PTPRD: variants seen among roughly 807,000 people sequenced by gnomAD.
The protein encoded by PTPRD is protein tyrosine phosphatase receptor type D.
A neutral mutation model predicts 214.5 loss-of-function variants in PTPRD; 34 were observed. The observed-to-expected ratio is 0.16, with a 90% CI of 0.12 to 0.21. The LOEUF is 0.21. PTPRD is among the 10% of genes least tolerant of loss of function. PTPRD has a pLI of 1.00. For synonymous variants in PTPRD, 1,128 were observed against 845.7 expected (o/e 1.33, Z -5.79); for missense variants, 2,545 against 2,398.7 (o/e 1.06, Z -1.27).
chr9:10,441,707 C>A (rs1435644190), intron 2 of PTPRD, among the ~76,000 whole-genome samples: 1 of 151,540 alleles, frequency 6.6e-6, no homozygotes, highest in Non-Finnish European at 1.5e-5. Context: ...TTTGCAATAT[C>A]TGTTTGTATC....
chr9:9,298,182 A>G (rs900248983), intron 9 of PTPRD, among the ~76,000 whole-genome samples: 1 of 151,618 alleles, frequency 6.6e-6, no homozygotes. Context: ...TAAATTTAGT[A>G]TGAAACATGT....
rs374363013 is a variant in PTPRD, at chr9:8,636,702, A to G, written c.207T>C (p.Phe69=). 26 of 1,613,904 alleles carry G rather than the reference A, an allele frequency of 1.6e-5. No individual in the cohort carries two copies. Among genetic ancestry groups the G allele is most frequent in the Admixed American group, 1.5e-4 (9 of 59,992 alleles). ...AACAGAACAATGGACCTAATACCTC[A>G]AATCTCTGATTGCTGACTTTCTTTC... is the stretch of plus-strand genomic sequence containing the variant. ...KKGKKVSNQR[F]EVIEFDDGSG... is the part of the protein sequence containing the mutation. Residue 69 remains phenylalanine, a synonymous_variant, in exon 13 of 46, where the codon TTT becomes TTC. Transcript: ENST00000381196.
chr9:9,816,125 T>A (rs999675311), intron 5 of PTPRD, among the ~76,000 whole-genome samples: 5 of 152,180 alleles, frequency 3.3e-5, no homozygotes, highest in Admixed American at 2.6e-4. Flanking sequence ...TTAAATTATA[T>A]GTAATTTTTA....
At chr9:9,375,835 C>T (rs979759300) in intron 9 of PTPRD, among the ~76,000 whole-genome samples, 2 of 151,784 alleles carry the variant, frequency 1.3e-5, no homozygotes, top group Admixed American at 6.6e-5. Context: ...AGTCAGTTTG[C>T]GATGATGAAA....
At chr9:10,005,176 T>C (rs16930778) in intron 4 of PTPRD, among the ~76,000 whole-genome samples, 5,703 of 152,168 alleles carry the variant, frequency 0.037, 380 homozygotes, top group African/African-American at 0.13. Context: ...TAACTGTTAC[T>C]GTCCTAGGGC....
chr9:9,429,375 C>T (rs751565561), intron 8 of PTPRD, among the ~76,000 whole-genome samples: 1 of 152,156 alleles, frequency 6.6e-6, no homozygotes, highest in Non-Finnish European at 1.5e-5. Context: ...CCTGAATAGA[C>T]CAATAGCAGG....
intron 9 of PTPRD, among the ~76,000 whole-genome samples, chr9:9,235,965 T>A (rs898011363): frequency 2.0e-5 from 3 of 152,024 alleles, no homozygotes; most frequent in Admixed American, 6.6e-5. Flanking sequence ...GGGGTTATAT[T>A]TAAAAAGAGC....
chr9:9,825,913 A>G (rs773734176), intron 5 of PTPRD, among the ~76,000 whole-genome samples: 1 of 151,656 alleles, frequency 6.6e-6, no homozygotes, highest in African/African-American at 2.4e-5. Flanking sequence ...TTTAAGATCT[A>G]TTATTTTATT....
At chr9:8,333,159 T>C (rs1437952329) in intron 43 of PTPRD, among the ~76,000 whole-genome samples, 1 of 152,158 alleles carries the variant, frequency 6.6e-6, no homozygotes, top group Non-Finnish European at 1.5e-5. Context: ...AGAAAACTAT[T>C]TGGCCCCATA....
intron 2 of PTPRD, among the ~76,000 whole-genome samples, chr9:10,373,506 A>G (rs772208566): frequency 3.9e-5 from 6 of 152,044 alleles, no homozygotes; most frequent in Non-Finnish European, 7.4e-5. Flanking sequence ...AACAGCATAC[A>G]AGTGTTTGAA....
chr9:10,346,522 G>C (rs893126204), intron 2 of PTPRD, among the ~76,000 whole-genome samples: 2 of 152,290 alleles, frequency 1.3e-5, no homozygotes, highest in Middle Eastern at 3.4e-3. Context: ...AGTTTCATAA[G>C]ATTATGTTTT....
intron 9 of PTPRD, among the ~76,000 whole-genome samples, chr9:9,333,926 T>A (rs998618539): frequency 1.3e-5 from 2 of 151,978 alleles, no homozygotes; most frequent in Non-Finnish European, 2.9e-5. Context: ...AATAGAATAT[T>A]TCATAGTCTC....
chr9:8,885,793 G>A (rs936702656), intron 11 of PTPRD, among the ~76,000 whole-genome samples: 3 of 152,000 alleles, frequency 2.0e-5, no homozygotes, highest in Non-Finnish European at 4.4e-5. Context: ...CACCGTGCCC[G>A]GCCTGCCTCT....
chr9:8,339,317 T>C (rs1588078474), intron 42 of PTPRD, among the ~76,000 whole-genome samples: 1 of 152,116 alleles, frequency 6.6e-6, no homozygotes, highest in East Asian at 1.9e-4. Flanking sequence ...GAATTGAGAA[T>C]TGAATACTTT....
At chr9:8,451,920 T>C in intron 33 of PTPRD, 1 of 494,974 alleles carries the variant, frequency 2.0e-6, no homozygotes. Flanking sequence ...GTAACCTCCT[T>C]ATCTTCTTTT....
chr9:10,148,772 G>C lies in PTPRD; in HGVS notation c.-544-114982C>G, dbSNP rs143812281. Among the ~76,000 whole-genome samples, 251 of 152,230 alleles carry C rather than the reference G, an allele frequency of 1.6e-3. 1 individual carries two copies. Among genetic ancestry groups the C allele is most frequent in the African/African-American group, 4.6e-3 (193 of 41,536 alleles). Reference sequence around the variant, plus strand: ...GCCAATTAAACTACCATCTCTGGGGGTAAGAACCATGTCTATGTATACTTT... The same window carrying C: ...GCCAATTAAACTACCATCTCTGGGGCTAAGAACCATGTCTATGTATACTTT... On this transcript the variant is annotated intron_variant, in intron 3 of 45. Coordinates refer to ENST00000381196, the MANE Select transcript of PTPRD (RefSeq NM_002839.4).
At chr9:8,620,816 T>C (rs2095798377) in intron 14 of PTPRD, among the ~76,000 whole-genome samples, 1 of 151,910 alleles carries the variant, frequency 6.6e-6, no homozygotes, top group African/African-American at 2.4e-5. Context: ...CCATGGAGGA[T>C]TGTGATTCAG....
intron 34 of PTPRD, among the ~76,000 whole-genome samples, chr9:8,443,112 T>A (rs893972923): frequency 2.6e-5 from 4 of 152,338 alleles, no homozygotes; most frequent in Admixed American, 2.0e-4. Context: ...GCCACTGCAC[T>A]CGAGCCTGGA....
At chr9:8,689,240 G>A (rs1169170687) in intron 12 of PTPRD, among the ~76,000 whole-genome samples, 1 of 152,160 alleles carries the variant, frequency 6.6e-6, no homozygotes, top group Non-Finnish European at 1.5e-5. Context: ...TAAACTGTGT[G>A]GATAGAAAGA....
Sources: allele counts gnomAD v4.1 joint callset (sites outside exome capture counted in the v4.1 genomes callset), GRCh38; gene constraint gnomAD v4.1.1; transcripts MANE v1.5; gene names NCBI Gene and HGNC (gene_info 2026-07-23, HGNC 2026-07-21).